ATF6: variants seen among roughly 807,000 people sequenced by gnomAD.
The protein encoded by ATF6 is activating transcription factor 6.
ATF6 carries 53 observed loss-of-function variants against 83.6 expected under a neutral mutation model. That is an observed-to-expected ratio of 0.63 (90% CI 0.51 to 0.80). ATF6 has a LOEUF of 0.80. ATF6 is among the 30% of genes least tolerant of loss of function. The pLI is 0.00. For missense variants in ATF6, 744 were observed against 797.9 expected, an observed-to-expected ratio of 0.93 and a Z score of 0.81; for synonymous variants, 288 against 285.8, an observed-to-expected ratio of 1.01 and a Z score of -0.08.
rs566165054 is a variant in ATF6, at chr1:161,830,494, A to G, written c.1187+9333A>G. Among the ~76,000 whole-genome samples, 56 of 152,350 alleles carry G rather than the reference A, an allele frequency of 3.7e-4. No individual in the cohort carries two copies. In the South Asian group the frequency reaches 0.01, roughly 28 times the overall value. On this transcript the variant is annotated intron_variant, in intron 9 of 15. Transcript: ENST00000367942. ...AAAAAGAGCCTGCATCGCCAAGTCA[A>G]TCCTAAGCCAAAAGAACAAAGCTGG...
At chr1:161,958,389 T>C in intron 15 of ATF6, 57 bp from the exon 16 acceptor site, 6 of 1,504,720 alleles carry the variant, frequency 4.0e-6, no homozygotes, top group Non-Finnish European at 5.4e-6. Context: ...CTGAAGCTTA[T>C]GGCAGAGATG....
intron 14 of ATF6, among the ~76,000 whole-genome samples, chr1:161,901,387 A>G (rs1374621623): frequency 6.6e-6 from 1 of 152,008 alleles, no homozygotes. Context: ...CCATTAGTAG[A>G]AATAAAAATT....
intron 6 of ATF6, among the ~76,000 whole-genome samples, chr1:161,800,627 G>C (rs1004545402): frequency 1.3e-5 from 2 of 152,204 alleles, no homozygotes; most frequent in African/African-American, 4.8e-5. Flanking sequence ...ACCAGTGTCA[G>C]CTACTACACA....
chr1:161,838,060 T>C (rs142441898), intron 9 of ATF6, among the ~76,000 whole-genome samples: 131 of 152,322 alleles, frequency 8.6e-4, no homozygotes, highest in African/African-American at 3.0e-3. Flanking sequence ...CATTTACAGT[T>C]AGAGGAGTTA....
At chr1:161,834,895 A>G (rs1369039565) in intron 9 of ATF6, among the ~76,000 whole-genome samples, 2 of 152,178 alleles carry the variant, frequency 1.3e-5, no homozygotes, top group Non-Finnish European at 2.9e-5. Context: ...AGAAAATGTG[A>G]GAGATATTGG....
chr1:161,791,181 A>G (rs1184856280), intron 4 of ATF6, among the ~76,000 whole-genome samples: 1 of 151,832 alleles, frequency 6.6e-6, no homozygotes, highest in Non-Finnish European at 1.5e-5. Flanking sequence ...CATATCTTTA[A>G]CAGGATGGCA....
chr1:161,909,351 A>G (rs183677683), intron 14 of ATF6, among the ~76,000 whole-genome samples: 1 of 152,296 alleles, frequency 6.6e-6, no homozygotes, highest in Admixed American at 6.5e-5. Context: ...ACCTTGAAGA[A>G]GTTGCCATTT....
At chr1:161,866,025 G>T (rs1277273560) in intron 14 of ATF6, among the ~76,000 whole-genome samples, 1 of 152,010 alleles carries the variant, frequency 6.6e-6, no homozygotes, top group Admixed American at 6.5e-5. Context: ...AAGGTGAGTG[G>T]CATCATTTCT....
At chr1:161,946,218 C>A (rs757646301) in intron 15 of ATF6, among the ~76,000 whole-genome samples, 1 of 152,148 alleles carries the variant, frequency 6.6e-6, no homozygotes, top group Non-Finnish European at 1.5e-5. Flanking sequence ...TGCTCTCGAA[C>A]TCCTGGGCTC....
In ATF6 at chr1:161,831,301, G is replaced by A. The variant is rs185599617; in HGVS notation, c.1187+10140G>A. 2.4e-3 allele frequency among the ~76,000 whole-genome samples: 373 copies of A among 152,328 alleles called. 3 individuals are homozygous for A. The highest frequency in any genetic ancestry group is 7.8e-3 in the African/African-American group (323 of 41,572). On this transcript the variant is annotated intron_variant, in intron 9 of 15. Coordinates refer to ENST00000367942, the MANE Select transcript of ATF6 (RefSeq NM_007348.4). ...ATTACAAAGTCAGGAAGCAACAGGT[G>A]CTGTAGAGGATGTGGAGAAATAGGA...
chr1:161,840,341 C>T (rs1321197459), intron 9 of ATF6: 2 of 152,132 alleles, frequency 1.3e-5, no homozygotes, highest in East Asian at 3.8e-4. Context: ...TGAAGATCTC[C>T]CTGCTCTTTT....
At chr1:161,898,831 A>T (rs1188342502) in intron 14 of ATF6, among the ~76,000 whole-genome samples, 1 of 152,144 alleles carries the variant, frequency 6.6e-6, no homozygotes, top group African/African-American at 2.4e-5. Flanking sequence ...TACAGGTGTG[A>T]GCCACCGTGC....
At position 161,960,240 on chromosome 1, in the gene ATF6, G is replaced by T. The variant is rs1689071688; in HGVS notation, c.*1586G>T. The T allele has an allele frequency of 6.6e-6, 1 of 152,208 alleles. No homozygotes were observed. The highest frequency in any genetic ancestry group is 2.1e-4 in the South Asian group (1 of 4,834). 9.4% of individuals were successfully genotyped at this position (152,208 alleles called of 1,614,324 possible). On this transcript the variant is annotated 3_prime_UTR_variant, in exon 16 of 16. Transcript: ENST00000367942. Reference sequence around the variant, plus strand: ...TTCTACCTTTCAGTTTCTAAAGTGAGTCTTCCTCCCTCTCCTACAAAACTT... The same window carrying T: ...TTCTACCTTTCAGTTTCTAAAGTGATTCTTCCTCCCTCTCCTACAAAACTT...
intron 1 of ATF6, among the ~76,000 whole-genome samples, chr1:161,767,491 C>T (rs1684291760): frequency 6.6e-6 from 1 of 152,176 alleles, no homozygotes; most frequent in South Asian, 2.1e-4. Context: ...GCATTAGTGA[C>T]AGTAACCATT....
intron 9 of ATF6, among the ~76,000 whole-genome samples, chr1:161,845,834 T>G (rs1448746715): frequency 6.6e-6 from 1 of 151,920 alleles, no homozygotes; most frequent in East Asian, 1.9e-4. Context: ...ATATATTTTG[T>G]TGTTTTCTCC....
chr1:161,898,082 C>T (rs985331319), intron 14 of ATF6, among the ~76,000 whole-genome samples: 1 of 152,046 alleles, frequency 6.6e-6, no homozygotes, highest in African/African-American at 2.4e-5. Flanking sequence ...TTTATTGATT[C>T]GTCATCTGGT....
intron 15 of ATF6, among the ~76,000 whole-genome samples, chr1:161,957,164 T>C (rs1558040587): frequency 9.6e-6 from 1 of 104,176 alleles, no homozygotes; most frequent in Non-Finnish European, 2.4e-5. Context: ...GCATGCTCAG[T>C]GTCAAAGTTA....
At chr1:161,906,532 G>A (rs1026531883) in intron 14 of ATF6, among the ~76,000 whole-genome samples, 2 of 152,084 alleles carry the variant, frequency 1.3e-5, no homozygotes, top group East Asian at 3.9e-4. Flanking sequence ...AGTTTGTGGG[G>A]GACATCCTAC....
Position 161,961,906 on chromosome 1 carries a change from G to A in ATF6, c.*3252G>A, listed in dbSNP as rs867893287. The stretch of plus-strand genomic sequence containing the variant: ...TCAGATGTTAGGAGCTTGTCCCTTT[G>A]GGGTTGACTTATGCCCAGCAGTACA... On this transcript the variant is annotated 3_prime_UTR_variant, in exon 16 of 16. Coordinates refer to ENST00000367942, the MANE Select transcript of ATF6 (RefSeq NM_007348.4). 6.6e-6 allele frequency: 1 copy of A among 152,164 alleles called. No homozygotes were observed. Among genetic ancestry groups the A allele is most frequent in the Non-Finnish European group, 1.5e-5 (1 of 68,018 alleles). 9.4% of individuals were successfully genotyped at this position (152,164 alleles called of 1,614,324 possible).
Sources: gnomAD v4.1 joint callset for allele counts (sites outside exome capture counted in the v4.1 genomes callset) on GRCh38, gnomAD v4.1.1 for gene constraint, MANE v1.5 for transcripts, NCBI Gene and HGNC (gene_info 2026-07-23, HGNC 2026-07-21) for gene names.